Variants in RSRC1 observed in about 807,000 individuals in gnomAD.
RSRC1 encodes the protein serine/Arginine-related protein 53.
A neutral mutation model predicts 49.1 loss-of-function variants in RSRC1; 39 were observed. The observed-to-expected ratio is 0.79, with a 90% confidence interval of 0.61 to 1.04. RSRC1 has a LOEUF of 1.04. Ranked by LOEUF, RSRC1 falls within the 50% of genes least tolerant of loss-of-function variation. RSRC1 has a pLI of 0.00. For synonymous variants in RSRC1, 143 were observed against 130.8 expected (o/e 1.09, Z -0.63); for missense variants, 388 against 402.4 (o/e 0.96, Z 0.31).
chr3:158,515,748 G>T (rs1483199275), intron 7 of RSRC1, among the ~76,000 whole-genome samples: 1 of 150,874 alleles, frequency 6.6e-6, no homozygotes, highest in Non-Finnish European at 1.5e-5. Context: ...ATCAGACGTA[G>T]ATTTGGTCTT....
chr3:158,465,267 A>G (rs1013736096), intron 7 of RSRC1, among the ~76,000 whole-genome samples: 1 of 152,194 alleles, frequency 6.6e-6, no homozygotes, highest in Non-Finnish European at 1.5e-5. Flanking sequence ...AATCTGGACC[A>G]GAGCCAAACC....
intron 5 of RSRC1, among the ~76,000 whole-genome samples, chr3:158,300,868 AG>A (rs1727504951): frequency 6.6e-6 from 1 of 152,166 alleles, no homozygotes; most frequent in Non-Finnish European, 1.5e-5. Flanking sequence ...ACTTGCTACC[AG>A]GTAACATAGT....
intron 4 of RSRC1, among the ~76,000 whole-genome samples, chr3:158,224,249 T>A (rs1722393006): frequency 6.6e-6 from 1 of 151,884 alleles, no homozygotes; most frequent in African/African-American, 2.4e-5. Context: ...AATTTTGATT[T>A]TTAAAAATTA....
At chr3:158,162,497 A>C (rs952896470) in intron 3 of RSRC1, among the ~76,000 whole-genome samples, 9 of 152,082 alleles carry the variant, frequency 5.9e-5, no homozygotes, top group African/African-American at 1.9e-4. Context: ...TTTTACTTAG[A>C]CCTCAATTTA....
rs536287084 is a variant in RSRC1 at position 158,337,239 on chromosome 3, T to G, written c.532-17618T>G. Among the ~76,000 whole-genome samples, 3 of 152,350 alleles carry G rather than the reference T, an allele frequency of 2.0e-5. No individual in the cohort carries two copies. The South Asian group carries it at 6.2e-4, about 32-fold the overall frequency. The stretch of plus-strand genomic sequence containing the variant: ...TCCACATCCTCATTCCACCTCCTTC[T>G]GAGTGGGGCTGCAGAAGTCCTTGCT... On this transcript the variant is annotated intron_variant, in intron 5 of 9. Coordinates refer to ENST00000611884, the MANE Select transcript of RSRC1 (RefSeq NM_001271838.2).
chr3:158,364,171 A>G (rs1262540244), intron 6 of RSRC1, among the ~76,000 whole-genome samples: 1 of 152,176 alleles, frequency 6.6e-6, no homozygotes, highest in African/African-American at 2.4e-5. Context: ...TGTGTAATTC[A>G]AAGAATTACA....
rs757649363 is a variant in RSRC1, at chr3:158,312,682, ATATCT to A, written c.531+14614_531+14618del. Among the ~76,000 whole-genome samples the A allele has an allele frequency of 1.3e-3, 200 of 152,312 alleles. 1 individual carries two copies. The highest frequency in any genetic ancestry group is 1.7e-3 in the Non-Finnish European group (117 of 68,028). On this transcript the variant is annotated intron_variant, in intron 5 of 9. Coordinates refer to ENST00000611884, the MANE Select transcript of RSRC1 (RefSeq NM_001271838.2). ...GTGGCATTTCAAAAGGACCTTAGAA[ATATCT>A]TATCTTGAGTGTCAGCCTTGGTTCT...
chr3:158,245,384 A>G (rs1230117993), intron 4 of RSRC1, among the ~76,000 whole-genome samples: 2 of 152,102 alleles, frequency 1.3e-5, no homozygotes, highest in Non-Finnish European at 2.9e-5. Flanking sequence ...GCGGTCTGAG[A>G]GACTGTTATG....
At chr3:158,203,366 G>A (rs997357890) in intron 4 of RSRC1, 121 bp downstream of exon 4, 9 of 988,108 alleles carry the variant, frequency 9.1e-6, no homozygotes, top group African/African-American at 4.9e-5. Flanking sequence ...GAAGAAAATG[G>A]AATAAAAAGA....
intron 6 of RSRC1, among the ~76,000 whole-genome samples, chr3:158,373,765 C>T (rs1732208265): frequency 6.6e-6 from 1 of 151,794 alleles, no homozygotes; most frequent in Non-Finnish European, 1.5e-5. Flanking sequence ...TAACATGGTA[C>T]CCTGGTATTA....
intron 4 of RSRC1, among the ~76,000 whole-genome samples, chr3:158,237,700 T>A (rs765564437): frequency 6.6e-6 from 1 of 152,194 alleles, no homozygotes; most frequent in Non-Finnish European, 1.5e-5. Flanking sequence ...TTAAGGAGAT[T>A]TTGGGCTGAG....
chr3:158,190,436 T>G lies in RSRC1; in HGVS notation c.321-12636T>G, dbSNP rs373285596. On this transcript the variant is annotated intron_variant, in intron 3 of 9. Transcript: ENST00000611884. ...CTTTTGTTTTCTTTCTTTTGGCCCT[T>G]TTCATCATTAACATCTATGTCTCTT... Among the ~76,000 whole-genome samples the G allele has an allele frequency of 1.8e-4, 27 of 151,920 alleles. No individual in the cohort carries two copies. In the East Asian group the frequency reaches 3.1e-3, roughly 17 times the overall value.
chr3:158,373,386 C>A (rs1260991289), intron 6 of RSRC1, among the ~76,000 whole-genome samples: 1 of 151,748 alleles, frequency 6.6e-6, no homozygotes, highest in African/African-American at 2.4e-5. Context: ...ACTTTTTTTA[C>A]GTTGAGGACG....
intron 4 of RSRC1, among the ~76,000 whole-genome samples, chr3:158,234,243 A>G (rs1329776536): frequency 6.6e-6 from 1 of 152,186 alleles, no homozygotes; most frequent in Non-Finnish European, 1.5e-5. Flanking sequence ...TATAGCATAT[A>G]TTATATTGTG....
chr3:158,295,094 G>A (rs764721549), intron 4 of RSRC1, among the ~76,000 whole-genome samples: 1 of 152,124 alleles, frequency 6.6e-6, no homozygotes, highest in African/African-American at 2.4e-5. Flanking sequence ...TCTGTGATGG[G>A]ACATGCCCCG....
intron 6 of RSRC1, among the ~76,000 whole-genome samples, chr3:158,460,438 C>G (rs750067917): frequency 6.6e-6 from 1 of 151,782 alleles, no homozygotes; most frequent in Non-Finnish European, 1.5e-5. Context: ...GAAAGAGATT[C>G]TTTTAACCAA....
chr3:158,414,349 A>G (rs542505931), intron 6 of RSRC1, among the ~76,000 whole-genome samples: 4 of 152,226 alleles, frequency 2.6e-5, no homozygotes, highest in East Asian at 3.9e-4. Context: ...GAGCTGAACA[A>G]TGAGAACACA....
At chr3:158,276,847 A>G (rs548144207) in intron 4 of RSRC1, among the ~76,000 whole-genome samples, 125 of 152,302 alleles carry the variant, frequency 8.2e-4, no homozygotes, top group Non-Finnish European at 1.5e-3. Context: ...ATTGTCATGC[A>G]AATATCAAAA....
chr3:158,296,551 G>A (rs368484762), intron 4 of RSRC1, among the ~76,000 whole-genome samples: 1 of 152,040 alleles, frequency 6.6e-6, no homozygotes, highest in East Asian at 1.9e-4. Context: ...AACTATATTT[G>A]AATGTTCTTG....
Sources: allele counts gnomAD v4.1 joint callset (sites outside exome capture counted in the v4.1 genomes callset), GRCh38; gene constraint gnomAD v4.1.1; transcripts MANE v1.5; gene names NCBI Gene and HGNC (gene_info 2026-07-23, HGNC 2026-07-21).